FUT9: variants seen among roughly 807,000 people sequenced by gnomAD.
FUT9 encodes fucosyltransferase 9.
Under a neutral mutation model 29.7 loss-of-function variants are expected in FUT9, and 15 were observed. The ratio of observed to expected loss-of-function variants is 0.51; its 90% CI spans 0.34 to 0.78. The LOEUF (loss-of-function observed/expected upper bound fraction) is 0.78. FUT9 is among the 30% of genes least tolerant of loss of function. The pLI, the probability that FUT9 is intolerant of heterozygous loss-of-function variation, is 0.01. For missense variants in FUT9, 319 were observed against 425.4 expected, an observed-to-expected ratio of 0.75 and a Z score of 2.20; for synonymous variants, 169 against 153.7, an observed-to-expected ratio of 1.10 and a Z score of -0.74.
intron 1 of FUT9, among the ~76,000 whole-genome samples, chr6:96,016,912 A>C (rs6934176): frequency 0.095 from 14,399 of 152,276 alleles, 1,860 homozygotes; most frequent in African/African-American, 0.28. Context: ...CCCTTTGGAA[A>C]CAAACTTTTT....
intron 2 of FUT9, among the ~76,000 whole-genome samples, chr6:96,196,932 G>A (rs567470032): frequency 2.0e-5 from 3 of 152,114 alleles, no homozygotes; most frequent in South Asian, 4.2e-4. Flanking sequence ...AATATTTTTA[G>A]GTTTTATTAG....
At chr6:96,088,266 T>TA (rs1230113754) in intron 1 of FUT9, among the ~76,000 whole-genome samples, 1 of 151,792 alleles carries the variant, frequency 6.6e-6, no homozygotes, top group Non-Finnish European at 1.5e-5. Context: ...AAATATAAAA[T>TA]AAAAAAATAA....
intron 1 of FUT9, among the ~76,000 whole-genome samples, chr6:96,038,471 C>G (rs568501248): frequency 6.6e-6 from 1 of 152,154 alleles, no homozygotes; most frequent in South Asian, 2.1e-4. Flanking sequence ...ATGTGGGAGA[C>G]TATGAGGAAA....
At chr6:96,108,536 A>G (rs1044579325) in intron 1 of FUT9, among the ~76,000 whole-genome samples, 3 of 152,124 alleles carry the variant, frequency 2.0e-5, no homozygotes, top group African/African-American at 7.2e-5. Context: ...ACTACGTGTT[A>G]TTATTATTAG....
intron 1 of FUT9, among the ~76,000 whole-genome samples, chr6:96,024,486 G>A (rs1290753502): frequency 6.6e-6 from 1 of 151,684 alleles, no homozygotes; most frequent in South Asian, 2.1e-4. Flanking sequence ...ATTGGGAGCA[G>A]GACTCCTGTG....
Position 96,047,283 on chromosome 6 carries a change from C to A in FUT9, c.-98+31071C>A, listed in dbSNP as rs146330370. 5.4e-3 allele frequency among the ~76,000 whole-genome samples: 817 copies of A among 152,312 alleles called. 4 individuals are homozygous for A. The highest frequency in any genetic ancestry group is 0.019 in the African/African-American group (779 of 41,574). ...TATAAGTATGTGTGACCCTCTCAGGCCTCTCTCAGAAGCCACGAAAATAGC... is the reference window on the plus strand; with the variant it reads ...TATAAGTATGTGTGACCCTCTCAGGACTCTCTCAGAAGCCACGAAAATAGC... On this transcript the variant is annotated intron_variant, in intron 1 of 2. Transcript: ENST00000302103.
chr6:96,203,590 G>A lies in FUT9; in HGVS notation c.435G>A (p.Lys145=), dbSNP rs1186637911. The change falls in exon 3 of 3, where the codon AAG becomes AAA. Residue 145 remains lysine, a synonymous_variant. Transcript: ENST00000302103. ...AATCACCAACTCACACTCCCCAAAAGAGTGGCATTGAGCACTTGTTTAACC... is the reference window on the plus strand; with the variant it reads ...AATCACCAACTCACACTCCCCAAAAAAGTGGCATTGAGCACTTGTTTAACC... ...NLESPTHTPQ[K]SGIEHLFNLT... 3 of 1,613,772 alleles carry A rather than the reference G, an allele frequency of 1.9e-6. No homozygotes were observed. The African/African-American group carries it at 4.0e-5, about 22-fold the overall frequency.
At chr6:96,076,460 C>T (rs886323235) in intron 1 of FUT9, among the ~76,000 whole-genome samples, 6 of 152,092 alleles carry the variant, frequency 3.9e-5, no homozygotes, top group African/African-American at 1.4e-4. Context: ...CAAATATCCA[C>T]ATGCTTTTTG....
rs1042081190 is a variant in FUT9, at chr6:96,209,683, T to C, written c.*5448T>C. On this transcript the variant is annotated 3_prime_UTR_variant, in exon 3 of 3. Transcript: ENST00000302103. ...GAACATTTAGTTATTTTTTAGCTCA[T>C]AGTTAACATATGTCCATGCATTTGA... 1.2e-4 allele frequency: 20 copies of C among 166,662 alleles called. No individual in the cohort carries two copies. The highest frequency in any genetic ancestry group is 4.8e-4 in the African/African-American group (20 of 41,300). The allele number at this position is 166,662 out of a possible 1,614,324, so 10.3% of individuals were successfully genotyped here.
At chr6:96,046,808 AG>A (rs1770571703) in intron 1 of FUT9, among the ~76,000 whole-genome samples, 1 of 152,220 alleles carries the variant, frequency 6.6e-6, no homozygotes, top group East Asian at 1.9e-4. Context: ...ACAGTGGAAA[AG>A]ACCATTTTTA....
chr6:96,039,835 A>C (rs1770424993), intron 1 of FUT9, among the ~76,000 whole-genome samples: 1 of 152,190 alleles, frequency 6.6e-6, no homozygotes, highest in Non-Finnish European at 1.5e-5. Context: ...AGACGTAATG[A>C]AATGAATAAA....
chr6:96,020,428 T>C (rs747963012), intron 1 of FUT9, among the ~76,000 whole-genome samples: 5 of 152,178 alleles, frequency 3.3e-5, no homozygotes, highest in Non-Finnish European at 7.4e-5. Flanking sequence ...TTTAAATTTT[T>C]ACCTCCATAG....
intron 2 of FUT9, among the ~76,000 whole-genome samples, chr6:96,192,950 G>A (rs1427128733): frequency 1.3e-5 from 2 of 151,790 alleles, no homozygotes; most frequent in Non-Finnish European, 2.9e-5. Context: ...CAAGCAATGG[G>A]GAAAGGATTC....
chr6:96,213,922 C>T lies in FUT9; in HGVS notation c.*9687C>T, dbSNP rs1039475383. 7.2e-5 allele frequency: 12 copies of T among 166,864 alleles called. No homozygotes were observed. The highest frequency in any genetic ancestry group is 1.0e-4 in the Non-Finnish European group (7 of 68,010). 10.3% of individuals were successfully genotyped at this position (166,864 alleles called of 1,614,324 possible). On this transcript the variant is annotated 3_prime_UTR_variant, in exon 3 of 3. Coordinates refer to ENST00000302103, the MANE Select transcript of FUT9 (RefSeq NM_006581.4). ...GAAAAATTGCATGCAATTGGTGAAT[C>T]ATGCAGCTTTGGGGACATTTACACT...
chr6:96,159,463 T>C (rs749041036), intron 2 of FUT9, among the ~76,000 whole-genome samples: 3 of 152,130 alleles, frequency 2.0e-5, no homozygotes, highest in Non-Finnish European at 4.4e-5. Flanking sequence ...TTAAGATGGG[T>C]TCTACAAGAC....
Position 96,211,904 on chromosome 6 carries a change from A to C in FUT9, c.*7669A>C. 2.5e-6 allele frequency: 1 copy of C among 405,074 alleles called. No homozygotes were observed. The allele number at this position is 405,074 out of a possible 1,614,324, so 25.1% of individuals were successfully genotyped here. Reference sequence around the variant, plus strand: ...ATTTTTCTGAGTTCTCTGGAAACCAAACAATTTTGAATTAGTTGTGTAAGT... The same window carrying C: ...ATTTTTCTGAGTTCTCTGGAAACCACACAATTTTGAATTAGTTGTGTAAGT... On this transcript the variant is annotated 3_prime_UTR_variant, in exon 3 of 3. Coordinates refer to ENST00000302103, the MANE Select transcript of FUT9 (RefSeq NM_006581.4).
intron 2 of FUT9, among the ~76,000 whole-genome samples, chr6:96,186,887 G>A (rs974574783): frequency 2.5e-4 from 38 of 152,022 alleles, no homozygotes; most frequent in Non-Finnish European, 1.2e-4. Context: ...CATTAGGGAG[G>A]GCTATCTGCT....
chr6:96,150,619 T>C (rs1025295904), intron 2 of FUT9, among the ~76,000 whole-genome samples: 5 of 152,152 alleles, frequency 3.3e-5, no homozygotes, highest in Non-Finnish European at 7.3e-5. Context: ...AAGGAGGTGA[T>C]GCCAGCTCAG....
At chr6:96,199,753 A>G (rs550348942) in intron 2 of FUT9, among the ~76,000 whole-genome samples, 2 of 152,264 alleles carry the variant, frequency 1.3e-5, no homozygotes, top group African/African-American at 4.8e-5. Context: ...TCATTCATTC[A>G]CATTTGGCTA....
Sources: gnomAD v4.1 joint callset for allele counts (sites outside exome capture counted in the v4.1 genomes callset) on GRCh38, gnomAD v4.1.1 for gene constraint, MANE v1.5 for transcripts, NCBI Gene and HGNC (gene_info 2026-07-23, HGNC 2026-07-21) for gene names.